The following FKTN variants were observed in gnomAD, a reference collection of about 807,000 sequenced individuals.
FKTN encodes the protein fukutin, also known as ribitol-5-phosphate transferase FKTN.
In FKTN, 47 loss-of-function variants were observed where a neutral mutation model predicts 58.6. The observed-to-expected ratio is 0.80, with a 90% CI of 0.63 to 1.02. FKTN has a LOEUF of 1.02. FKTN is among the 50% of genes least tolerant of loss of function. The pLI, the probability that FKTN is intolerant of heterozygous loss-of-function variation, is 0.00. For missense variants in FKTN, 516 were observed against 537.3 expected (o/e 0.96, Z 0.39); for synonymous variants, 178 against 191.9 (o/e 0.93, Z 0.60).
At position 105,575,065 on chromosome 9, in the gene FKTN, C is replaced by T; in HGVS notation, c.33C>T (p.Ala11=). Residue 11 remains alanine, a synonymous_variant, in exon 3 of 11, where the codon GCC becomes GCT. Transcript: ENST00000357998. MSRINKNVVL[A]LLTLTSSAFL... ...GAATCAATAAGAACGTGGTTTTGGC[C>T]CTTTTAACGCTGACAAGTTCTGCAT... 6.2e-7 allele frequency: 1 copy of T among 1,610,820 alleles called. No homozygotes were observed.
At chr9:105,620,525 A>G (rs1216343755) in intron 10 of FKTN, among the ~76,000 whole-genome samples, 1 of 152,166 alleles carries the variant, frequency 6.6e-6, no homozygotes, top group East Asian at 1.9e-4. Flanking sequence ...TAACCTTCAG[A>G]GGTAGATATT....
intron 10 of FKTN, among the ~76,000 whole-genome samples, chr9:105,624,048 C>T (rs1168726970): frequency 2.0e-5 from 3 of 151,670 alleles, no homozygotes. Context: ...CAATAGATAC[C>T]CAAAGGTAGA....
chr9:105,582,078 G>T (rs928156214), intron 3 of FKTN, among the ~76,000 whole-genome samples: 6 of 152,136 alleles, frequency 3.9e-5, no homozygotes, highest in Non-Finnish European at 5.9e-5. Flanking sequence ...GCACTCCCTA[G>T]TGAGATGAAC....
intron 6 of FKTN, among the ~76,000 whole-genome samples, chr9:105,604,784 G>A (rs944898099): frequency 1.1e-4 from 16 of 151,762 alleles, no homozygotes; most frequent in African/African-American, 3.6e-4. Context: ...GTGAAACCTC[G>A]TCTCTACAAA....
chr9:105,638,192 T>C lies in FKTN; in HGVS notation c.*2928T>C. 1 of 985,460 alleles carries C rather than the reference T, an allele frequency of 1.0e-6. No homozygotes were observed. Among genetic ancestry groups the C allele is most frequent in the Non-Finnish European group, 1.2e-6 (1 of 829,938 alleles). The allele number at this position is 985,460 out of a possible 1,614,324, so 61.0% of individuals were successfully genotyped here. A position where few individuals can be genotyped will look rare whatever the true frequency, so the allele number is the denominator to read the frequency against. ...CGTGACTCCTAGTCCAATGTCTGTT[T>C]CGCATCACAACACAGTATCTTTAAC... On this transcript the variant is annotated 3_prime_UTR_variant, in exon 11 of 11. Coordinates refer to ENST00000357998, the MANE Select transcript of FKTN (RefSeq NM_001079802.2).
intron 3 of FKTN, among the ~76,000 whole-genome samples, chr9:105,585,566 A>C (rs1473583377): frequency 6.6e-6 from 1 of 152,260 alleles, no homozygotes; most frequent in East Asian, 1.9e-4. Context: ...TTAAACTTAT[A>C]AATCTCACTT....
At chr9:105,616,422 A>G (rs186881364) in intron 8 of FKTN, among the ~76,000 whole-genome samples, 2 of 152,278 alleles carry the variant, frequency 1.3e-5, no homozygotes, top group Non-Finnish European at 2.9e-5. Context: ...TGGTAGTATC[A>G]CTAACTAGAC....
intron 1 of FKTN, among the ~76,000 whole-genome samples, chr9:105,571,973 A>C (rs1024606296): frequency 6.6e-6 from 1 of 152,180 alleles, no homozygotes; most frequent in Admixed American, 6.5e-5. Flanking sequence ...AATCCTAAGA[A>C]GTCCAAAATA....
intron 3 of FKTN, among the ~76,000 whole-genome samples, chr9:105,582,173 G>A (rs939459115): frequency 8.5e-5 from 13 of 152,058 alleles, no homozygotes; most frequent in Admixed American, 5.2e-4. Flanking sequence ...GTTCCTATTC[G>A]GCCATCTTGG....
At chr9:105,564,887 G>A (rs553751554) in intron 1 of FKTN, among the ~76,000 whole-genome samples, 7 of 152,282 alleles carry the variant, frequency 4.6e-5, no homozygotes, top group African/African-American at 1.4e-4. Context: ...AATGTTAAGG[G>A]CAGCCAGAGA....
chr9:105,597,967 TAGAG>T (rs1306315126), intron 4 of FKTN: 7 of 330,954 alleles, frequency 2.1e-5, no homozygotes, highest in Admixed American at 1.3e-4. Context: ...TTTTAGTAAA[TAGAG>T]AGAGCAGTCA....
chr9:105,613,096 A>G (rs761651819), intron 7 of FKTN, among the ~76,000 whole-genome samples: 7 of 152,220 alleles, frequency 4.6e-5, no homozygotes, highest in Non-Finnish European at 1.0e-4. Flanking sequence ...TGTAGAGCAC[A>G]AATTTTTCAT....
At chr9:105,566,108 A>G (rs1487956407) in intron 1 of FKTN, among the ~76,000 whole-genome samples, 2 of 152,260 alleles carry the variant, frequency 1.3e-5, no homozygotes, top group African/African-American at 2.4e-5. Context: ...CAAGGAGAAC[A>G]AAGACACAAC....
intron 3 of FKTN, among the ~76,000 whole-genome samples, chr9:105,579,564 C>T (rs1842454542): frequency 6.6e-6 from 1 of 151,070 alleles, no homozygotes; most frequent in Admixed American, 6.6e-5. Flanking sequence ...TTTACATTTG[C>T]TGAGGAGAGC....
At chr9:105,563,601 G>A (rs550880400) in intron 1 of FKTN, among the ~76,000 whole-genome samples, 16 of 150,896 alleles carry the variant, frequency 1.1e-4, no homozygotes, top group Non-Finnish European at 1.8e-4. Flanking sequence ...GCGAGGCTGG[G>A]GGGGGGGGCA....
In FKTN at chr9:105,601,764, G is replaced by T. The variant is rs950430635; in HGVS notation, c.369+416G>T. 5.9e-5 allele frequency among the ~76,000 whole-genome samples: 9 copies of T among 152,060 alleles called. No individual in the cohort carries two copies. The East Asian group carries it at 1.7e-3, about 29-fold the overall frequency. Reference sequence around the variant, plus strand: ...TCGGTATTTTTAGGTCATTTCTGTTGAACTGTTTGATATCTCATAGAAAAA... The same window carrying T: ...TCGGTATTTTTAGGTCATTTCTGTTTAACTGTTTGATATCTCATAGAAAAA... On this transcript the variant is annotated intron_variant, in intron 5 of 10. Coordinates refer to ENST00000357998, the MANE Select transcript of FKTN (RefSeq NM_001079802.2).
rs1826822081 is a variant in FKTN at position 105,596,468 on chromosome 9, A to C, written c.106-130A>C. 4 of 689,206 alleles carry C rather than the reference A, an allele frequency of 5.8e-6. No homozygotes were observed. The East Asian group carries it at 1.1e-4, about 19-fold the overall frequency. The allele number at this position is 689,206 out of a possible 1,614,324, so 42.7% of individuals were successfully genotyped here. A position where few individuals can be genotyped will look rare whatever the true frequency, so the allele number is the denominator to read the frequency against. On this transcript the variant is annotated intron_variant, in intron 3 of 10. Transcript: ENST00000357998. ...GAATTCTTAGCTCATGACTATATGA[A>C]AAATAGATATTTGATAATGCTTTTT...
chr9:105,570,605 T>A (rs1840574178), intron 1 of FKTN, among the ~76,000 whole-genome samples: 1 of 152,158 alleles, frequency 6.6e-6, no homozygotes, highest in Admixed American at 6.5e-5. Context: ...CTACTGCCCT[T>A]CTTCTTTTGA....
chr9:105,639,980 G>T lies in FKTN; in HGVS notation c.*4716G>T. 1 of 1,510,034 alleles carries T rather than the reference G, an allele frequency of 6.6e-7. No individual in the cohort carries two copies. Among genetic ancestry groups the T allele is most frequent in the South Asian group, 1.2e-5 (1 of 80,814 alleles). 93.5% of individuals were successfully genotyped at this position (1,510,034 alleles called of 1,614,324 possible). ...ATGATTTGGAGAGGGAAGAAATCTG[G>T]AATACTTAATTTCATTTAATTATCT... is the stretch of plus-strand genomic sequence containing the variant. On this transcript the variant is annotated 3_prime_UTR_variant, in exon 11 of 11. Transcript: ENST00000357998.
Sources: gnomAD v4.1 joint callset for allele counts (sites outside exome capture counted in the v4.1 genomes callset) on GRCh38, gnomAD v4.1.1 for gene constraint, MANE v1.5 for transcripts, NCBI Gene and HGNC (gene_info 2026-07-23, HGNC 2026-07-21) for gene names.